Variants in MAP4K3 observed in about 807,000 individuals in gnomAD.
The protein encoded by MAP4K3 is mitogen-activated protein kinase kinase kinase kinase 3, also known as MAPK/ERK kinase kinase kinase 3.
Under a neutral mutation model 143.5 loss-of-function variants are expected in MAP4K3, and 94 were observed. The ratio of observed to expected loss-of-function variants is 0.65; its 90% CI spans 0.55 to 0.78. The LOEUF is 0.78. Ranked by LOEUF, MAP4K3 falls within the 30% of genes least tolerant of loss-of-function variation. The probability of loss-of-function intolerance (pLI) is 0.00; values close to 1 mark genes in which losing one functional copy is unlikely to be tolerated. For missense variants in MAP4K3, 1,077 were observed against 1,068.1 expected, an observed-to-expected ratio of 1.01 and a Z score of -0.12; for synonymous variants, 416 against 347.2, an observed-to-expected ratio of 1.20 and a Z score of -2.20.
chr2:39,359,063 T>C (rs942397458), intron 2 of MAP4K3, among the ~76,000 whole-genome samples: 14 of 152,216 alleles, frequency 9.2e-5, no homozygotes, highest in Non-Finnish European at 1.9e-4. Flanking sequence ...AAGTCTCATC[T>C]GAGACAAGGC....
intron 1 of MAP4K3, among the ~76,000 whole-genome samples, chr2:39,429,441 AT>A (rs1192871266): frequency 1.3e-5 from 2 of 152,220 alleles, no homozygotes; most frequent in African/African-American, 4.8e-5. Context: ...TGTATATAAA[AT>A]ATCACAAAAT....
chr2:39,333,167 A>T (rs1173148886), intron 7 of MAP4K3, among the ~76,000 whole-genome samples: 1 of 152,190 alleles, frequency 6.6e-6, no homozygotes, highest in Non-Finnish European at 1.5e-5. Flanking sequence ...CTTTATGTGA[A>T]GAATAAAGTG....
chr2:39,263,341 C>T (rs1179627815), intron 28 of MAP4K3, among the ~76,000 whole-genome samples: 6 of 146,354 alleles, frequency 4.1e-5, no homozygotes, highest in African/African-American at 1.5e-4. Context: ...GGCGCAATCT[C>T]GGCTCACTGC....
chr2:39,282,539 C>G lies in MAP4K3; in HGVS notation c.1603G>C (p.Gly535Arg). The change falls in exon 22 of 34, where the codon GGT (glycine) becomes CGT (arginine). Residue 535 changes from glycine (G) to arginine (R), a missense_variant. By Grantham distance (125) the Gly-to-Arg change is moderately radical (BLOSUM62 -2). This residue lies in a region of MAP4K3 where 864 missense variants were observed against 801.2 expected (regional missense o/e 1.08). Transcript: ENST00000263881. ...TGCACTTTAGGTGTTGGAGGAAGAC[C>G]ATTACTAATAGGCTTCTAGAAAAAG... ...KKDVPKPISN[G>R]LPPTPKVHMG... 1 of 1,611,454 alleles carries G rather than the reference C, an allele frequency of 6.2e-7. No homozygotes were observed. The highest frequency in any genetic ancestry group is 8.5e-7 in the Non-Finnish European group (1 of 1,178,586).
chr2:39,292,770 T>C lies in MAP4K3; in HGVS notation c.1271+3A>G. ...TTTTACCAAAAACAGAGACAGAACT[T>C]ACTGTTTAGATTCATCATCATCTCC... is the stretch of plus-strand genomic sequence containing the variant. On this transcript the variant is annotated splice_donor_region_variant and intron_variant, in intron 18 of 33. Coordinates refer to ENST00000263881, the MANE Select transcript of MAP4K3 (RefSeq NM_003618.4). 1 of 1,612,034 alleles carries C rather than the reference T, an allele frequency of 6.2e-7. No individual in the cohort carries two copies. Among genetic ancestry groups the C allele is most frequent in the Non-Finnish European group, 8.5e-7 (1 of 1,178,250 alleles).
Position 39,250,964 on chromosome 2 carries a change from T to A in MAP4K3, c.2598-259A>T, listed in dbSNP as rs144778542. 4.5e-3 allele frequency among the ~76,000 whole-genome samples: 692 copies of A among 152,304 alleles called. 11 individuals are homozygous for A. The highest frequency in any genetic ancestry group is 0.016 in the African/African-American group (660 of 41,558). On this transcript the variant is annotated intron_variant, in intron 33 of 33. Transcript: ENST00000263881. The stretch of plus-strand genomic sequence containing the variant: ...GGGGAGAAACCTATATTAGAAATTA[T>A]TTGGGGGAACTTAATTCTTATTACA...
chr2:39,427,305 C>T (rs1439259727), intron 1 of MAP4K3, among the ~76,000 whole-genome samples: 1 of 151,860 alleles, frequency 6.6e-6, no homozygotes, highest in Non-Finnish European at 1.5e-5. Flanking sequence ...TACAGTTCCT[C>T]ACTTAAAAAG....
At chr2:39,334,587 G>C (rs1247121976) in intron 6 of MAP4K3, among the ~76,000 whole-genome samples, 1 of 152,156 alleles carries the variant, frequency 6.6e-6, no homozygotes, top group East Asian at 1.9e-4. Context: ...ACTTGATCTA[G>C]TACCTAGCTA....
chr2:39,349,653 GAGGT>G (rs1418895783), intron 3 of MAP4K3, among the ~76,000 whole-genome samples: 2 of 151,696 alleles, frequency 1.3e-5, no homozygotes, highest in African/African-American at 4.8e-5. Context: ...AGAGAAGGGA[GAGGT>G]AACAAAATGG....
chr2:39,369,407 A>G lies in MAP4K3; in HGVS notation c.154+8659T>C, dbSNP rs192295006. Among the ~76,000 whole-genome samples the G allele has an allele frequency of 2.3e-3, 353 of 152,000 alleles. 1 individual carries two copies. The highest frequency in any genetic ancestry group is 8.2e-3 in the African/African-American group (338 of 41,454). ...GCTGATCTGCCCGCCTCGGCCTCCC[A>G]AAGTGCTGGGATTACAGGCGTGAGC... is the stretch of plus-strand genomic sequence containing the variant. On this transcript the variant is annotated intron_variant, in intron 2 of 33. Transcript: ENST00000263881.
rs553566236 is a variant in MAP4K3 at position 39,400,401 on chromosome 2, G to A, written c.97-22278C>T. On this transcript the variant is annotated intron_variant, in intron 1 of 33. Coordinates refer to ENST00000263881, the MANE Select transcript of MAP4K3 (RefSeq NM_003618.4). ...ATTAGTAGGTATGCTCTTTATATTT[G>A]CAACAATAATTAACAAATAATATTT... Among the ~76,000 whole-genome samples, 142 of 152,192 alleles carry A rather than the reference G, an allele frequency of 9.3e-4. 1 individual carries two copies. Among genetic ancestry groups the A allele is most frequent in the African/African-American group, 3.2e-3 (131 of 41,516 alleles).
chr2:39,383,170 G>T (rs185202973), intron 1 of MAP4K3, among the ~76,000 whole-genome samples: 13 of 152,274 alleles, frequency 8.5e-5, no homozygotes, highest in African/African-American at 3.1e-4. Flanking sequence ...GCTGCTTTAA[G>T]GAATTGCCTG....
intron 1 of MAP4K3, among the ~76,000 whole-genome samples, chr2:39,417,436 G>A (rs888290315): frequency 2.0e-5 from 3 of 151,996 alleles, no homozygotes; most frequent in African/African-American, 7.2e-5. Context: ...AGCCAGGATG[G>A]TCTTGATCTC....
intron 3 of MAP4K3, among the ~76,000 whole-genome samples, chr2:39,345,690 C>T (rs962098956): frequency 1.3e-4 from 20 of 151,938 alleles, no homozygotes; most frequent in African/African-American, 4.3e-4. Context: ...GAGGCCGAGG[C>T]GGGCGGATCA....
At chr2:39,393,294 T>C (rs1471325722) in intron 1 of MAP4K3, among the ~76,000 whole-genome samples, 1 of 152,200 alleles carries the variant, frequency 6.6e-6, no homozygotes, top group Non-Finnish European at 1.5e-5. Flanking sequence ...CAGCTGATGG[T>C]AGTCCAGATT....
chr2:39,384,282 A>G (rs1015655651), intron 1 of MAP4K3, among the ~76,000 whole-genome samples: 7 of 152,154 alleles, frequency 4.6e-5, no homozygotes, highest in Admixed American at 4.6e-4. Context: ...GTCGTGGCTC[A>G]TGCCTGTAAC....
chr2:39,436,348 A>G lies in MAP4K3; in HGVS notation c.96+544T>C, dbSNP rs571935389. On this transcript the variant is annotated intron_variant, in intron 1 of 33. Transcript: ENST00000263881. ...AAAAAAAAAAGTCATTACTCTGGAA[A>G]ATTAAAAGAAACTGACAGGGGGATG... Among the ~76,000 whole-genome samples the G allele has an allele frequency of 4.6e-5, 7 of 152,296 alleles. No individual in the cohort carries two copies. In the South Asian group the frequency reaches 6.2e-4, roughly 14 times the overall value.
chr2:39,421,297 CT>C lies in MAP4K3; in HGVS notation c.96+15594del, dbSNP rs201789718. Among the ~76,000 whole-genome samples the C allele has an allele frequency of 5.4e-3, 824 of 151,660 alleles. 10 individuals are homozygous for C. The highest frequency in any genetic ancestry group is 0.019 in the African/African-American group (768 of 41,272). On this transcript the variant is annotated intron_variant, in intron 1 of 33. Coordinates refer to ENST00000263881, the MANE Select transcript of MAP4K3 (RefSeq NM_003618.4). ...ACACAGTGACTACAAGGCATGGGTT[CT>C]GGAAGTAAGACTGCCTGAATTCAAT...
At chr2:39,333,691 G>T in intron 6 of MAP4K3, 117 bp from the exon 7 acceptor site, 1 of 530,970 alleles carries the variant, frequency 1.9e-6, no homozygotes, top group Non-Finnish European at 3.3e-6. Flanking sequence ...AATACTTAAA[G>T]TGTGCTTAAT....
Sources: allele counts gnomAD v4.1 joint callset (sites outside exome capture counted in the v4.1 genomes callset), GRCh38; gene constraint gnomAD v4.1.1; regional missense constraint gnomAD v4.1.1; transcripts MANE v1.5; gene names NCBI Gene and HGNC (gene_info 2026-07-23, HGNC 2026-07-21).